The following HPGDS variants were observed in gnomAD, a reference collection of about 807,000 sequenced individuals.
HPGDS encodes GST class-sigma.
In HPGDS, 26 loss-of-function variants were observed where a neutral mutation model predicts 23.1. The observed-to-expected ratio is 1.13, with a 90% CI of 0.83 to 1.56. HPGDS has a LOEUF of 1.56. Ranked by LOEUF, HPGDS falls within the 40% of genes most tolerant of loss-of-function variation. The pLI, the probability that HPGDS is intolerant of heterozygous loss-of-function variation, is 0.00. For missense variants in HPGDS, 268 were observed against 236.4 expected, an observed-to-expected ratio of 1.13 and a Z score of -0.88; for synonymous variants, 95 against 77.9, an observed-to-expected ratio of 1.22 and a Z score of -1.16.
At chr4:94,317,409 T>A (rs745636642) in intron 3 of HPGDS, among the ~76,000 whole-genome samples, 1 of 152,156 alleles carries the variant, frequency 6.6e-6, no homozygotes, top group Non-Finnish European at 1.5e-5. Flanking sequence ...TTTCCTCAGA[T>A]GGCACTGAGT....
intron 2 of HPGDS, among the ~76,000 whole-genome samples, chr4:94,329,695 T>C (rs1219160232): frequency 1.3e-5 from 2 of 152,232 alleles, no homozygotes; most frequent in Non-Finnish European, 2.9e-5. Flanking sequence ...AGTGAGCTTT[T>C]AGCTACTGGA....
At position 94,334,755 on chromosome 4, in the gene HPGDS, G is replaced by C. The variant is rs111645049; in HGVS notation, c.-9-117C>G. The stretch of plus-strand genomic sequence containing the variant: ...TCTCTTGAGATTACTGGAGACATTA[G>C]AGGATATTTCAAAACCAAAATTATA... On this transcript the variant is annotated intron_variant, in intron 1 of 5. Coordinates refer to ENST00000295256, the MANE Select transcript of HPGDS (RefSeq NM_014485.3). 4.5e-3 allele frequency: 3,900 copies of C among 872,764 alleles called. 26 individuals carry two copies. The highest frequency in any genetic ancestry group is 0.042 in the Middle Eastern group (130 of 3,106). The allele number at this position is 872,764 out of a possible 1,614,324, so 54.1% of individuals were successfully genotyped here. A position where few individuals can be genotyped will look rare whatever the true frequency, so the allele number is the denominator to read the frequency against.
intron 5 of HPGDS, among the ~76,000 whole-genome samples, chr4:94,300,939 A>C (rs567713499): frequency 1.1e-4 from 17 of 152,206 alleles, no homozygotes; most frequent in Non-Finnish European, 2.1e-4. Context: ...AGTGTGGAGC[A>C]CTGTGAAGAA....
At chr4:94,309,194 A>C (rs1756207139) in intron 3 of HPGDS, among the ~76,000 whole-genome samples, 1 of 151,384 alleles carries the variant, frequency 6.6e-6, no homozygotes, top group African/African-American at 2.4e-5. Flanking sequence ...ATATGTATAC[A>C]TGTGCCATGT....
intron 2 of HPGDS, among the ~76,000 whole-genome samples, chr4:94,320,074 C>G (rs916892870): frequency 6.6e-6 from 1 of 152,128 alleles, no homozygotes; most frequent in Non-Finnish European, 1.5e-5. Context: ...ATCCATGTCC[C>G]TACAAAGGAC....
chr4:94,313,362 G>T lies in HPGDS; in HGVS notation c.226+4511C>A, dbSNP rs138210339. Among the ~76,000 whole-genome samples the T allele has an allele frequency of 5.7e-3, 862 of 152,234 alleles. 21 individuals are homozygous for T. The highest frequency in any genetic ancestry group is 0.045 in the East Asian group (234 of 5,176). On this transcript the variant is annotated intron_variant, in intron 3 of 5. Transcript: ENST00000295256. ...TGACAAAATCTCTCAGCATTTGCTT[G>T]TCTGGAAAGGATTTTATTTTTCCTT...
intron 2 of HPGDS, among the ~76,000 whole-genome samples, chr4:94,320,110 C>T (rs1579439231): frequency 6.6e-6 from 1 of 152,184 alleles, no homozygotes; most frequent in South Asian, 2.1e-4. Flanking sequence ...TTTATGGCTG[C>T]ATAGTATTCC....
intron 2 of HPGDS, among the ~76,000 whole-genome samples, chr4:94,320,395 C>T (rs891160830): frequency 6.6e-6 from 1 of 152,248 alleles, no homozygotes; most frequent in East Asian, 1.9e-4. Flanking sequence ...AAAAGTGTTC[C>T]TATTTCTCCA....
At chr4:94,332,502 G>A (rs982310939) in intron 2 of HPGDS, among the ~76,000 whole-genome samples, 3 of 152,194 alleles carry the variant, frequency 2.0e-5, no homozygotes, top group Admixed American at 6.5e-5. Context: ...ACATGCCTCT[G>A]GGGCTTCAGG....
intron 3 of HPGDS, among the ~76,000 whole-genome samples, chr4:94,316,671 T>A (rs1408266958): frequency 6.6e-6 from 1 of 152,248 alleles, no homozygotes; most frequent in East Asian, 1.9e-4. Flanking sequence ...CTTCTTCTCA[T>A]GCCATTTTCT....
At chr4:94,310,803 T>C (rs1756251772) in intron 3 of HPGDS, among the ~76,000 whole-genome samples, 1 of 152,200 alleles carries the variant, frequency 6.6e-6, no homozygotes, top group South Asian at 2.1e-4. Context: ...GTATCCTCTT[T>C]TATTTTGTTG....
chr4:94,333,706 G>A (rs1401858107), intron 2 of HPGDS, among the ~76,000 whole-genome samples: 2 of 152,152 alleles, frequency 1.3e-5, no homozygotes, highest in African/African-American at 2.4e-5. Flanking sequence ...ACAATGAAAA[G>A]TTCAGGTAGA....
intron 4 of HPGDS, among the ~76,000 whole-genome samples, chr4:94,305,530 A>G (rs571224623): frequency 6.6e-6 from 1 of 152,162 alleles, no homozygotes; most frequent in South Asian, 2.1e-4. Context: ...TATGTGCTTA[A>G]GTAAATTGAT....
At chr4:94,340,260 C>CT (rs777209661) in intron 1 of HPGDS, among the ~76,000 whole-genome samples, 3 of 81,444 alleles carry the variant, frequency 3.7e-5, no homozygotes, top group African/African-American at 1.3e-4. Context: ...CTGGTCTAAA[C>CT]CTTTCTTTCT....
At chr4:94,314,386 G>A (rs1156457740) in intron 3 of HPGDS, among the ~76,000 whole-genome samples, 1 of 152,188 alleles carries the variant, frequency 6.6e-6, no homozygotes, top group Non-Finnish European at 1.5e-5. Flanking sequence ...AGGTCTGTTG[G>A]AGTTTGCCAG....
chr4:94,338,203 C>T (rs541442998), intron 1 of HPGDS, among the ~76,000 whole-genome samples: 3 of 152,126 alleles, frequency 2.0e-5, no homozygotes, highest in African/African-American at 7.2e-5. Context: ...GCGGGCAGAT[C>T]ACTTGAGGTC....
At chr4:94,334,248 A>G in intron 2 of HPGDS, 2 of 320,872 alleles carry the variant, frequency 6.2e-6, no homozygotes, top group East Asian at 1.0e-4. Flanking sequence ...TCGCATGTTT[A>G]TTTCAGCTCA....
chr4:94,322,708 A>G (rs1198932634), intron 2 of HPGDS, among the ~76,000 whole-genome samples: 1 of 152,100 alleles, frequency 6.6e-6, no homozygotes, highest in Non-Finnish European at 1.5e-5. Flanking sequence ...CTTTTCAAAA[A>G]ATAAGCTCCT....
intron 2 of HPGDS, among the ~76,000 whole-genome samples, chr4:94,318,296 C>T (rs56407535): frequency 0.026 from 3,947 of 152,192 alleles, 63 homozygotes; most frequent in Middle Eastern, 0.054. Flanking sequence ...GCCTCAATTG[C>T]AGATTATTAA....
Sources: allele counts gnomAD v4.1 joint callset (sites outside exome capture counted in the v4.1 genomes callset), GRCh38; gene constraint gnomAD v4.1.1; transcripts MANE v1.5; gene names NCBI Gene and HGNC (gene_info 2026-07-23, HGNC 2026-07-21).